The following ATP8A2 variants were observed in gnomAD, a reference collection of about 807,000 sequenced individuals.
The protein encoded by ATP8A2 is ATPase phospholipid transporting 8A2, also known as phospholipid-transporting ATPase IB.
A neutral mutation model predicts 165.6 loss-of-function variants in ATP8A2; 100 were observed. That is an observed-to-expected ratio of 0.60 (90% confidence interval 0.51 to 0.71). ATP8A2 has a LOEUF of 0.71. ATP8A2 is among the 30% of genes least tolerant of loss of function. The pLI is 0.00. For missense variants in ATP8A2, 1,227 were observed against 1,479.5 expected, an observed-to-expected ratio of 0.83 and a Z score of 2.80; for synonymous variants, 543 against 548.8, an observed-to-expected ratio of 0.99 and a Z score of 0.15.
chr13:25,943,975 A>G lies in ATP8A2; in HGVS notation c.3184-17600A>G, dbSNP rs565891775. 2.6e-5 allele frequency among the ~76,000 whole-genome samples: 4 copies of G among 152,348 alleles called. No homozygotes were observed. In the East Asian group the frequency reaches 7.7e-4, roughly 29 times the overall value. The stretch of plus-strand genomic sequence containing the variant: ...GTCCAGTTATTACGTTTATTGTTTT[A>G]AACTGTTACATTTTAAGCAAAATAG... On this transcript the variant is annotated intron_variant, in intron 33 of 36. Transcript: ENST00000381655.
chr13:25,966,026 T>C (rs936350268), intron 34 of ATP8A2, among the ~76,000 whole-genome samples: 1 of 55,318 alleles, frequency 1.8e-5, no homozygotes, highest in South Asian at 8.1e-4. Flanking sequence ...GGAAAGAGTT[T>C]CAGAAAAAAA....
At chr13:25,861,982 G>A (rs935258410) in intron 32 of ATP8A2, among the ~76,000 whole-genome samples, 1 of 152,140 alleles carries the variant, frequency 6.6e-6, no homozygotes, top group South Asian at 2.1e-4. Flanking sequence ...GTATACAGCC[G>A]CAGGTTGGAG....
intron 24 of ATP8A2, among the ~76,000 whole-genome samples, chr13:25,598,817 G>A (rs1226022143): frequency 6.6e-6 from 1 of 152,104 alleles, no homozygotes; most frequent in East Asian, 1.9e-4. Flanking sequence ...GTTATTTTGT[G>A]ATTGAGTGTC....
At chr13:25,748,781 C>T (rs911244727) in intron 25 of ATP8A2, among the ~76,000 whole-genome samples, 15 of 152,164 alleles carry the variant, frequency 9.9e-5, no homozygotes, top group African/African-American at 2.9e-4. Flanking sequence ...ACTTGTGACC[C>T]GCTTACATTT....
chr13:25,808,069 C>T (rs1487748008), intron 27 of ATP8A2, among the ~76,000 whole-genome samples: 1 of 151,642 alleles, frequency 6.6e-6, no homozygotes, highest in African/African-American at 2.4e-5. Flanking sequence ...AGAAAGAGAG[C>T]ATTCTGAACA....
At chr13:25,414,130 C>T (rs1440469888) in intron 1 of ATP8A2, among the ~76,000 whole-genome samples, 1 of 151,286 alleles carries the variant, frequency 6.6e-6, no homozygotes, top group East Asian at 1.9e-4. Flanking sequence ...ATAACTAGAA[C>T]TGTGATTACA....
chr13:25,658,934 A>C (rs1405941080), intron 24 of ATP8A2, among the ~76,000 whole-genome samples: 1 of 152,158 alleles, frequency 6.6e-6, no homozygotes, highest in Non-Finnish European at 1.5e-5. Context: ...CTGTGGATGA[A>C]GGGTATTGCT....
At chr13:25,918,785 A>T (rs1954345623) in intron 33 of ATP8A2, among the ~76,000 whole-genome samples, 2 of 152,148 alleles carry the variant, frequency 1.3e-5, no homozygotes, top group African/African-American at 4.8e-5. Context: ...TGGTTATTTC[A>T]TTTCATTTTG....
chr13:25,402,733 A>T (rs2033677159), intron 1 of ATP8A2, among the ~76,000 whole-genome samples: 1 of 152,178 alleles, frequency 6.6e-6, no homozygotes, highest in Admixed American at 6.5e-5. Flanking sequence ...TCCGCCTTTG[A>T]GAATGGGATT....
At chr13:25,831,802 C>G (rs1025122109) in intron 28 of ATP8A2, among the ~76,000 whole-genome samples, 4 of 151,844 alleles carry the variant, frequency 2.6e-5, no homozygotes, top group African/African-American at 9.7e-5. Context: ...GAGATCACAC[C>G]ACTGCACTCT....
chr13:26,012,416 C>T, intron 35 of ATP8A2, 115 bp from the exon 36 acceptor site: 1 of 799,972 alleles, frequency 1.3e-6, no homozygotes, highest in Non-Finnish European at 2.0e-6. Context: ...AAGCACCACG[C>T]CTTACCCGAC....
chr13:25,912,506 A>G (rs886586059), intron 33 of ATP8A2, among the ~76,000 whole-genome samples: 7 of 152,162 alleles, frequency 4.6e-5, no homozygotes, highest in Non-Finnish European at 8.8e-5. Context: ...ATAATAATGT[A>G]TCATACACTT....
At chr13:25,967,032 G>A (rs968441159) in intron 34 of ATP8A2, among the ~76,000 whole-genome samples, 6 of 152,130 alleles carry the variant, frequency 3.9e-5, no homozygotes, top group African/African-American at 7.2e-5. Context: ...CAGGGCAGGC[G>A]GGGCAGGCAC....
Position 25,577,113 on chromosome 13 carries a change from G to A in ATP8A2, c.1757G>A (p.Arg586Gln), listed in dbSNP as rs202089005. The A allele has an allele frequency of 6.3e-4, 1,019 of 1,613,842 alleles. 1 individual carries two copies. Among genetic ancestry groups the A allele is most frequent in the Admixed American group, 8.5e-4 (51 of 59,992 alleles). Residue 586 changes from arginine (R) to glutamine (Q), a missense_variant, in exon 20 of 37, where the codon CGA becomes CAA. Coordinates refer to ENST00000381655, the MANE Select transcript of ATP8A2 (RefSeq NM_016529.6). ...GTAATTGTTCGAACTCCTTCAGGAC[G>A]ACTTCGGCTTTACTGTAAAGGGGCT... ...MSVIVRTPSG[R>Q]LRLYCKGADN...
chr13:25,566,189 G>A (rs750945071), intron 16 of ATP8A2, among the ~76,000 whole-genome samples: 1 of 151,988 alleles, frequency 6.6e-6, no homozygotes, highest in East Asian at 1.9e-4. Context: ...CTGCTATTCC[G>A]ACTCAGTTCT....
Position 25,896,140 on chromosome 13 carries a change from G to C in ATP8A2, c.3183+33732G>C, listed in dbSNP as rs537464349. Among the ~76,000 whole-genome samples, 8 of 152,216 alleles carry C rather than the reference G, an allele frequency of 5.3e-5. No individual in the cohort carries two copies. The East Asian group carries it at 1.4e-3, about 26-fold the overall frequency. On this transcript the variant is annotated intron_variant, in intron 33 of 36. Transcript: ENST00000381655. The stretch of plus-strand genomic sequence containing the variant: ...TTGTAATGTTAGGGTGTCAATTTTA[G>C]ATCTTTCCTGCTTTCTCTTGTGGGC...
chr13:25,991,927 C>G (rs1221208817), intron 35 of ATP8A2, among the ~76,000 whole-genome samples: 2 of 74,812 alleles, frequency 2.7e-5, no homozygotes, highest in East Asian at 8.1e-4. Flanking sequence ...TTTTTTTTTT[C>G]AATAACAACC....
At chr13:25,817,387 T>C (rs1321820805) in intron 27 of ATP8A2, among the ~76,000 whole-genome samples, 2 of 151,574 alleles carry the variant, frequency 1.3e-5, no homozygotes, top group Admixed American at 1.3e-4. Context: ...GTTTACCTGA[T>C]GTTCCATAGA....
intron 27 of ATP8A2, among the ~76,000 whole-genome samples, chr13:25,784,092 A>T (rs2044959375): frequency 6.6e-6 from 1 of 152,194 alleles, no homozygotes; most frequent in Non-Finnish European, 1.5e-5. Flanking sequence ...GTGACAATCT[A>T]TGCTTTTTTT....
Sources: allele counts gnomAD v4.1 joint callset (sites outside exome capture counted in the v4.1 genomes callset), GRCh38; gene constraint gnomAD v4.1.1; transcripts MANE v1.5; gene names NCBI Gene and HGNC (gene_info 2026-07-23, HGNC 2026-07-21).